LPP: variants seen among roughly 807,000 people sequenced by gnomAD.
LPP encodes lipoma-preferred partner.
In LPP, 38 loss-of-function variants were observed where a neutral mutation model predicts 60.4. That is an observed-to-expected ratio of 0.63 (90% CI 0.49 to 0.83). LPP has a LOEUF of 0.83. Among genes scored for constraint, LPP ranks in the 40% least tolerant of loss-of-function variants. The pLI is 0.00. For synonymous variants in LPP, 328 were observed against 290.8 expected, an observed-to-expected ratio of 1.13 and a Z score of -1.30; for missense variants, 902 against 783.6, an observed-to-expected ratio of 1.15 and a Z score of -1.80.
intron 5 of LPP, among the ~76,000 whole-genome samples, chr3:188,492,815 A>G (rs926153981): frequency 2.6e-5 from 4 of 152,206 alleles, no homozygotes; most frequent in African/African-American, 4.8e-5. Context: ...CCTGCTCCCA[A>G]TAAACACGCC....
intron 8 of LPP, among the ~76,000 whole-genome samples, chr3:188,733,890 C>T (rs1326554768): frequency 1.3e-5 from 2 of 152,058 alleles, no homozygotes; most frequent in Non-Finnish European, 2.9e-5. Flanking sequence ...AGGCGTATTT[C>T]TCACTTATAC....
At chr3:188,800,773 T>A (rs1746979982) in intron 9 of LPP, among the ~76,000 whole-genome samples, 1 of 152,228 alleles carries the variant, frequency 6.6e-6, no homozygotes, top group East Asian at 1.9e-4. Context: ...TCATTGTTTG[T>A]ATTTGCATTT....
chr3:188,387,781 G>C (rs1382747544), intron 3 of LPP, among the ~76,000 whole-genome samples: 1 of 151,934 alleles, frequency 6.6e-6, no homozygotes, highest in Non-Finnish European at 1.5e-5. Context: ...TGATAAGGCT[G>C]GTCTTGAACT....
chr3:188,723,465 T>C (rs1717228881), intron 8 of LPP, among the ~76,000 whole-genome samples: 2 of 152,174 alleles, frequency 1.3e-5, no homozygotes. Context: ...CTGTGATCTC[T>C]ATTGAACAGA....
chr3:188,386,830 AAGCAGTT>A (rs757550376), intron 3 of LPP, among the ~76,000 whole-genome samples: 17 of 152,200 alleles, frequency 1.1e-4, no homozygotes, highest in Admixed American at 3.3e-4. Flanking sequence ...AGGGTTTTCA[AAGCAGTT>A]ATTGTAATAG....
chr3:188,773,230 C>CT (rs893881752), intron 9 of LPP, among the ~76,000 whole-genome samples: 2 of 151,848 alleles, frequency 1.3e-5, no homozygotes, highest in African/African-American at 2.4e-5. Context: ...CTCCCTGGAT[C>CT]TTTTTTTTGC....
At chr3:188,744,321 C>T (rs568138232) in intron 8 of LPP, among the ~76,000 whole-genome samples, 7 of 152,212 alleles carry the variant, frequency 4.6e-5, no homozygotes, top group South Asian at 4.1e-4. Context: ...AATGGGAATG[C>T]GGAAGCTGTT....
intron 9 of LPP, among the ~76,000 whole-genome samples, chr3:188,782,873 G>A (rs1431868922): frequency 6.6e-6 from 1 of 152,074 alleles, no homozygotes; most frequent in Non-Finnish European, 1.5e-5. Flanking sequence ...ATTCTCTACT[G>A]TGACTTCTAT....
chr3:188,419,566 AG>A (rs1233262497), intron 4 of LPP, among the ~76,000 whole-genome samples: 1 of 152,206 alleles, frequency 6.6e-6, no homozygotes, highest in African/African-American at 2.4e-5. Context: ...CACCAGGATA[AG>A]TGGCAACCTA....
At chr3:188,209,775 A>G (rs1018467407) in intron 1 of LPP, among the ~76,000 whole-genome samples, 9 of 152,170 alleles carry the variant, frequency 5.9e-5, no homozygotes, top group African/African-American at 2.2e-4. Flanking sequence ...TTGTTTCTCA[A>G]TAAAGTAGAC....
Position 188,527,808 on chromosome 3 carries a change from G to A in LPP, c.429+3021G>A, listed in dbSNP as rs576632336. Among the ~76,000 whole-genome samples, 7 of 151,510 alleles carry A rather than the reference G, an allele frequency of 4.6e-5. No individual in the cohort carries two copies. The South Asian group carries it at 1.3e-3, about 27-fold the overall frequency. ...CTGTCACCCAGGCTGGAGTGCAGTG[G>A]TGGGATCTCGGCTCACTGCAACCTC... is the stretch of plus-strand genomic sequence containing the variant. On this transcript the variant is annotated intron_variant, in intron 6 of 11. Coordinates refer to ENST00000617246, the MANE Select transcript of LPP (RefSeq NM_001375462.1).
chr3:188,574,879 C>CT (rs1408500676), intron 6 of LPP, among the ~76,000 whole-genome samples: 3 of 152,054 alleles, frequency 2.0e-5, no homozygotes, highest in East Asian at 1.9e-4. Flanking sequence ...AAACTGCTCA[C>CT]TTTTTTTCTG....
At chr3:188,351,886 C>A (rs1765955179) in intron 3 of LPP, among the ~76,000 whole-genome samples, 1 of 152,182 alleles carries the variant, frequency 6.6e-6, no homozygotes, top group Non-Finnish European at 1.5e-5. Flanking sequence ...GAAGACTGAG[C>A]TCTTCTACTC....
chr3:188,857,484 T>C (rs1202241707), intron 9 of LPP, among the ~76,000 whole-genome samples: 1 of 152,224 alleles, frequency 6.6e-6, no homozygotes, highest in Non-Finnish European at 1.5e-5. Context: ...CTATACCAGA[T>C]TGCTCTGGAG....
In LPP at chr3:188,886,651, T is replaced by A. The variant is rs1318451870; in HGVS notation, c.*12172T>A. The A allele has an allele frequency of 1.4e-5, 3 of 218,744 alleles. No individual in the cohort carries two copies. The highest frequency in any genetic ancestry group is 1.9e-4 in the South Asian group (1 of 5,278). 13.6% of individuals were successfully genotyped at this position (218,744 alleles called of 1,614,324 possible). ...AATATAAAGAAAAAACTAATAAAAATTTTCGTATTTCACTTTACATAATAT... is the reference window on the plus strand; with the variant it reads ...AATATAAAGAAAAAACTAATAAAAAATTTCGTATTTCACTTTACATAATAT... On this transcript the variant is annotated 3_prime_UTR_variant, in exon 12 of 12. Coordinates refer to ENST00000617246, the MANE Select transcript of LPP (RefSeq NM_001375462.1).
intron 8 of LPP, among the ~76,000 whole-genome samples, chr3:188,725,729 G>A (rs2149954633): frequency 6.6e-6 from 1 of 152,260 alleles, no homozygotes; most frequent in East Asian, 1.9e-4. Context: ...AGACAGAAGT[G>A]CTTACAAATA....
At chr3:188,466,207 G>T (rs1228995701) in intron 4 of LPP, among the ~76,000 whole-genome samples, 1 of 152,136 alleles carries the variant, frequency 6.6e-6, no homozygotes, top group Admixed American at 6.6e-5. Flanking sequence ...AGATGGGAGA[G>T]TCAGGGTCAT....
chr3:188,660,936 C>T (rs909596605), intron 7 of LPP, among the ~76,000 whole-genome samples: 2 of 151,994 alleles, frequency 1.3e-5, no homozygotes, highest in African/African-American at 4.8e-5. Flanking sequence ...GCATTTATTT[C>T]CCGTCATAGA....
At chr3:188,363,979 C>T (rs1206391071) in intron 3 of LPP, among the ~76,000 whole-genome samples, 1 of 150,824 alleles carries the variant, frequency 6.6e-6, no homozygotes, top group Non-Finnish European at 1.5e-5. Context: ...TCTGCAGAAG[C>T]GTGGTCAAGC....
Sources: gnomAD v4.1 joint callset for allele counts (sites outside exome capture counted in the v4.1 genomes callset) on GRCh38, gnomAD v4.1.1 for gene constraint, MANE v1.5 for transcripts, NCBI Gene and HGNC (gene_info 2026-07-23, HGNC 2026-07-21) for gene names.